Variants in RGS22 observed in about 807,000 individuals in gnomAD.
The protein encoded by RGS22 is regulator of G-protein signaling 22.
RGS22 carries 148 observed loss-of-function variants against 172.9 expected under a neutral mutation model. The observed-to-expected ratio is 0.86, with a 90% CI of 0.75 to 0.98. The LOEUF (loss-of-function observed/expected upper bound fraction) is 0.98. RGS22 is among the 50% of genes least tolerant of loss of function. The probability of loss-of-function intolerance (pLI) is 0.00; values close to 1 mark genes in which losing one functional copy is unlikely to be tolerated. For missense variants in RGS22, 1,347 were observed against 1,440.8 expected, an observed-to-expected ratio of 0.93 and a Z score of 1.05; for synonymous variants, 458 against 480.2, an observed-to-expected ratio of 0.95 and a Z score of 0.60.
chr8:99,989,211 A>G (rs1813423607), intron 20 of RGS22, among the ~76,000 whole-genome samples: 1 of 152,162 alleles, frequency 6.6e-6, no homozygotes, highest in African/African-American at 2.4e-5. Context: ...GTTAGTTAGC[A>G]GAGGGTCACC....
At chr8:100,027,680 G>A (rs929584808) in intron 14 of RGS22, among the ~76,000 whole-genome samples, 3 of 151,998 alleles carry the variant, frequency 2.0e-5, no homozygotes, top group East Asian at 1.9e-4. Flanking sequence ...ATGGGGTTTC[G>A]CCATGTTAGC....
At chr8:99,975,935 A>G (rs1811878834) in intron 23 of RGS22, among the ~76,000 whole-genome samples, 1 of 152,160 alleles carries the variant, frequency 6.6e-6, no homozygotes, top group South Asian at 2.1e-4. Context: ...CAAACCTGTA[A>G]TCCAAGCACT....
intron 2 of RGS22, among the ~76,000 whole-genome samples, chr8:100,098,881 ATTTTATTTTATTTTATTTTAT>A (rs1813226184): frequency 6.5e-5 from 2 of 30,742 alleles, no homozygotes; most frequent in Non-Finnish European, 1.2e-4. Flanking sequence ...ATTTTATTTT[ATTTTATTTTATTTTATTTTAT>A]TTTATTTTAT....
At chr8:100,012,577 G>C (rs1340028793) in intron 14 of RGS22, among the ~76,000 whole-genome samples, 2 of 151,936 alleles carry the variant, frequency 1.3e-5, no homozygotes, top group Non-Finnish European at 1.5e-5. Context: ...AGTGAGGAGA[G>C]AGACAAAGAG....
intron 7 of RGS22, among the ~76,000 whole-genome samples, chr8:100,064,628 G>A (rs1810408103): frequency 6.6e-6 from 1 of 152,070 alleles, no homozygotes; most frequent in Non-Finnish European, 1.5e-5. Flanking sequence ...CTAACACACA[G>A]AAGATATACA....
chr8:100,032,476 A>T (rs1818929923), intron 14 of RGS22, among the ~76,000 whole-genome samples: 4 of 152,168 alleles, frequency 2.6e-5, no homozygotes, highest in Non-Finnish European at 2.9e-5. Context: ...ACTATCCTAA[A>T]TATATATGCA....
chr8:100,028,455 C>CAAAAAAAAA (rs201672610), intron 14 of RGS22, among the ~76,000 whole-genome samples: 1 of 91,822 alleles, frequency 1.1e-5, no homozygotes. Flanking sequence ...ACCTAGGAGA[C>CAAAAAAAAA]AAAAAAAAAA....
At chr8:100,058,184 A>ACAAC (rs1279844146) in intron 9 of RGS22, among the ~76,000 whole-genome samples, 2 of 149,668 alleles carry the variant, frequency 1.3e-5, no homozygotes. Context: ...AAAAAAAAAA[A>ACAAC]AACAACAACA....
intron 24 of RGS22, among the ~76,000 whole-genome samples, chr8:99,965,044 A>G (rs922702749): frequency 1.3e-5 from 2 of 152,146 alleles, no homozygotes; most frequent in African/African-American, 4.8e-5. Context: ...ATCTTGTTCT[A>G]TTGTACTGTA....
intron 3 of RGS22, 124 bp downstream of exon 3, chr8:100,093,323 C>CTTTAATATTTTT: frequency 1.7e-6 from 1 of 584,828 alleles, no homozygotes; most frequent in Non-Finnish European, 3.1e-6. Context: ...AAACCTTTAC[C>CTTTAATATTTTT]TAAATGCTTT....
chr8:100,081,838 A>G (rs2446906), intron 3 of RGS22, among the ~76,000 whole-genome samples: 91,176 of 151,660 alleles, frequency 0.6, 27,580 homozygotes, highest in Admixed American at 0.65. Context: ...GTGAAAGACC[A>G]TCTGGAAAAC....
Position 100,008,587 on chromosome 8 carries a change from A to G in RGS22, c.2167-18T>C, listed in dbSNP as rs764683087. 9 of 1,584,404 alleles carry G rather than the reference A, an allele frequency of 5.7e-6. No homozygotes were observed. Among genetic ancestry groups the G allele is most frequent in the Non-Finnish European group, 7.7e-6 (9 of 1,163,704 alleles). On this transcript the variant is annotated intron_variant, in intron 14 of 27. Transcript: ENST00000360863. ...AAAAGATACTGAAGGAGAAGAGGGAAGAAGGGAGAAGATGTTAAGAGAAGC... is the reference window on the plus strand; with the variant it reads ...AAAAGATACTGAAGGAGAAGAGGGAGGAAGGGAGAAGATGTTAAGAGAAGC...
chr8:99,989,899 GATAGAT>G (rs1798165910), intron 20 of RGS22, among the ~76,000 whole-genome samples: 4 of 150,910 alleles, frequency 2.7e-5, no homozygotes, highest in African/African-American at 9.8e-5. Flanking sequence ...TAGATAGATA[GATAGAT>G]ATAGATAGAT....
In RGS22 at chr8:99,977,993, C is replaced by T; in HGVS notation, c.3443G>A (p.Ser1148Asn). ...RKNLTDENIM[S>N]VLERRQEYNK... ...ATATTCTTGTCTTCTCTCTAAAACA[C>T]TCATAATATTTTCATCTGTTAAATT... The change falls in exon 23 of 28, where the codon AGT (serine) becomes AAT (asparagine). Residue 1148 changes from serine (S) to asparagine (N), a missense_variant. By Grantham distance (46) the Ser-to-Asn change is conservative. Transcript: ENST00000360863. 1.9e-6 allele frequency: 3 copies of T among 1,552,046 alleles called. No homozygotes were observed. Among genetic ancestry groups the T allele is most frequent in the Non-Finnish European group, 1.7e-6 (2 of 1,157,580 alleles).
At chr8:99,968,810 G>A (rs1165321456) in intron 23 of RGS22, among the ~76,000 whole-genome samples, 1 of 152,092 alleles carries the variant, frequency 6.6e-6, no homozygotes, top group Non-Finnish European at 1.5e-5. Context: ...CACACTTCAG[G>A]ATATTATCCA....
At chr8:100,098,148 AC>A (rs763711775) in intron 2 of RGS22, among the ~76,000 whole-genome samples, 4 of 151,836 alleles carry the variant, frequency 2.6e-5, no homozygotes, top group Non-Finnish European at 5.9e-5. Context: ...ATCACTTCAT[AC>A]TATAATTGTT....
At chr8:100,004,213 C>A in intron 16 of RGS22, 115 bp from the exon 17 acceptor site, 3 of 1,272,826 alleles carry the variant, frequency 2.4e-6, no homozygotes, top group Non-Finnish European at 3.1e-6. Flanking sequence ...TTTAATAATT[C>A]AATGGCAGAG....
At chr8:100,074,334 T>C (rs1371073838) in intron 4 of RGS22, among the ~76,000 whole-genome samples, 4 of 152,204 alleles carry the variant, frequency 2.6e-5, no homozygotes, top group Admixed American at 2.6e-4. Flanking sequence ...TCTACAAGTT[T>C]TGACAAATGC....
intron 7 of RGS22, among the ~76,000 whole-genome samples, chr8:100,065,166 T>G (rs1586183551): frequency 6.6e-6 from 1 of 152,318 alleles, no homozygotes; most frequent in Middle Eastern, 3.4e-3. Context: ...AACATTTCAT[T>G]ACAATTTTTA....
Sources: allele counts gnomAD v4.1 joint callset (sites outside exome capture counted in the v4.1 genomes callset), GRCh38; gene constraint gnomAD v4.1.1; transcripts MANE v1.5; gene names NCBI Gene and HGNC (gene_info 2026-07-23, HGNC 2026-07-21).